The following TAS2R1 variants were observed in gnomAD, a reference collection of about 807,000 sequenced individuals.
TAS2R1 encodes the protein taste 2 receptor member 1.
For synonymous variants in TAS2R1, 141 were observed against 134.2 expected (o/e 1.05, Z -0.35); for missense variants, 370 against 353.4 (o/e 1.05, Z -0.38).
chr5:9,892,506 G>C, the TAS2R1 span, among the ~76,000 whole-genome samples: 2 of 152,124 alleles, frequency 1.3e-5, no homozygotes, highest in East Asian at 3.9e-4. Flanking sequence ...AGTTGAGCTG[G>C]TGTCCAGGTT....
At chr5:9,853,857 G>A in the TAS2R1 span, among the ~76,000 whole-genome samples, 22 of 152,286 alleles carry the variant, frequency 1.4e-4, no homozygotes, top group African/African-American at 5.3e-4. Flanking sequence ...TAAGGTCAAT[G>A]ATACTGAGAA....
At chr5:9,652,404 T>C (rs913997809) in intron 2 of TAS2R1, among the ~76,000 whole-genome samples, 2 of 152,192 alleles carry the variant, frequency 1.3e-5, no homozygotes, top group Non-Finnish European at 2.9e-5. Context: ...CTAGAATCAA[T>C]GTGGGCTACT....
At chr5:9,780,480 A>G in the TAS2R1 span, among the ~76,000 whole-genome samples, 2 of 152,218 alleles carry the variant, frequency 1.3e-5, no homozygotes, top group Non-Finnish European at 2.9e-5. Context: ...TGCTAATTCT[A>G]TAAGTGTCCT....
At chr5:9,639,862 C>G (rs1200279414) in intron 2 of TAS2R1, among the ~76,000 whole-genome samples, 2 of 152,194 alleles carry the variant, frequency 1.3e-5, no homozygotes, top group African/African-American at 4.8e-5. Flanking sequence ...TAGGCTTTGG[C>G]TTAAGGAAAT....
At chr5:9,759,335 T>C in the TAS2R1 span, among the ~76,000 whole-genome samples, 1 of 152,050 alleles carries the variant, frequency 6.6e-6, no homozygotes, top group Non-Finnish European at 1.5e-5. Context: ...ATTCATAAAA[T>C]GTAAAGGTCA....
intron 1 of TAS2R1, among the ~76,000 whole-genome samples, chr5:9,679,282 T>C (rs1740948980): frequency 6.6e-6 from 1 of 152,182 alleles, no homozygotes; most frequent in Non-Finnish European, 1.5e-5. Flanking sequence ...TGATGGCAAA[T>C]ACATGACATT....
At chr5:9,640,224 G>A (rs1047339890) in intron 2 of TAS2R1, among the ~76,000 whole-genome samples, 8 of 151,942 alleles carry the variant, frequency 5.3e-5, no homozygotes, top group East Asian at 1.9e-4. Context: ...TGGGACAGCC[G>A]GGTAGAGGGT....
chr5:9,885,285 G>T, the TAS2R1 span, among the ~76,000 whole-genome samples: 2 of 152,038 alleles, frequency 1.3e-5, no homozygotes, highest in African/African-American at 2.4e-5. Context: ...TTTATTAATG[G>T]AAAGTTAAAT....
the TAS2R1 span, among the ~76,000 whole-genome samples, chr5:9,828,696 G>A: frequency 6.6e-6 from 1 of 152,196 alleles, no homozygotes; most frequent in African/African-American, 2.4e-5. Context: ...AATTTGCAAT[G>A]TCATGTAGAG....
chr5:9,719,084 A>G, the TAS2R1 span, among the ~76,000 whole-genome samples: 1 of 152,232 alleles, frequency 6.6e-6, no homozygotes, highest in Admixed American at 6.5e-5. Context: ...GTATTGCATC[A>G]ATGTGTGTGT....
chr5:9,823,919 T>TA, the TAS2R1 span, among the ~76,000 whole-genome samples: 1 of 152,102 alleles, frequency 6.6e-6, no homozygotes, highest in Non-Finnish European at 1.5e-5. Flanking sequence ...CTGATAGAAC[T>TA]AAAAAAGATA....
intron 1 of TAS2R1, among the ~76,000 whole-genome samples, chr5:9,690,588 C>T (rs10475474): frequency 0.053 from 8,002 of 152,052 alleles, 679 homozygotes; most frequent in African/African-American, 0.18. Flanking sequence ...TCAGCCCAAT[C>T]AAGTCAGCCT....
the TAS2R1 span, among the ~76,000 whole-genome samples, chr5:9,767,566 T>G: frequency 3.3e-5 from 5 of 152,208 alleles, no homozygotes; most frequent in Non-Finnish European, 7.3e-5. Flanking sequence ...CACTGGGTCT[T>G]GATCCTCAGC....
the TAS2R1 span, among the ~76,000 whole-genome samples, chr5:9,744,317 G>T: frequency 6.6e-6 from 1 of 152,100 alleles, no homozygotes; most frequent in African/African-American, 2.4e-5. Flanking sequence ...TGGGCCGGTG[G>T]GTCATAGGTA....
At chr5:9,853,480 A>G in the TAS2R1 span, among the ~76,000 whole-genome samples, 3 of 152,200 alleles carry the variant, frequency 2.0e-5, no homozygotes, top group Admixed American at 1.3e-4. Flanking sequence ...AGGTGTTGTC[A>G]TGGAAACAGG....
At chr5:9,706,270 G>C (rs1741608211) in intron 1 of TAS2R1, among the ~76,000 whole-genome samples, 1 of 152,168 alleles carries the variant, frequency 6.6e-6, no homozygotes, top group Admixed American at 6.5e-5. Context: ...GGCCAGTGGG[G>C]AAGGGAGGAA....
chr5:9,856,408 A>G, the TAS2R1 span, among the ~76,000 whole-genome samples: 1 of 152,164 alleles, frequency 6.6e-6, no homozygotes, highest in African/African-American at 2.4e-5. Context: ...AGGACAATGA[A>G]CTCATGGTTA....
chr5:9,811,509 T>G, the TAS2R1 span, among the ~76,000 whole-genome samples: 1 of 152,180 alleles, frequency 6.6e-6, no homozygotes, highest in African/African-American at 2.4e-5. Flanking sequence ...AGGACAGTTG[T>G]TCCTGAGCCT....
chr5:9,698,462 G>A (rs115600639), intron 1 of TAS2R1, among the ~76,000 whole-genome samples: 27 of 152,256 alleles, frequency 1.8e-4, no homozygotes, highest in African/African-American at 6.0e-4. Flanking sequence ...ATTCCTGAGC[G>A]ATATTTTTCA....
Sources: allele counts gnomAD v4.1 joint callset (sites outside exome capture counted in the v4.1 genomes callset), GRCh38; gene constraint gnomAD v4.1.1; transcripts MANE v1.5; gene names NCBI Gene and HGNC (gene_info 2026-07-23, HGNC 2026-07-21).